MCPH1: variants seen among roughly 807,000 people sequenced by gnomAD.
MCPH1 encodes microcephalin.
A neutral mutation model predicts 84.5 loss-of-function variants in MCPH1; 104 were observed. The ratio of observed to expected loss-of-function variants is 1.23; its 90% CI spans 1.05 to 1.45. MCPH1 has a LOEUF of 1.45. Ranked by LOEUF, MCPH1 falls within the 40% of genes most tolerant of loss-of-function variation. The pLI is 0.00. For missense variants in MCPH1, 1,498 were observed against 1,005.7 expected (o/e 1.49, Z -6.62); for synonymous variants, 514 against 366.8 (o/e 1.40, Z -4.58).
chr8:6,539,746 C>G (rs962891682), intron 12 of MCPH1, among the ~76,000 whole-genome samples: 8 of 152,250 alleles, frequency 5.3e-5, no homozygotes, highest in Non-Finnish European at 7.3e-5. Context: ...ACCACCATGC[C>G]TGGGAAATTT....
At chr8:6,596,624 G>T (rs1452496226) in intron 12 of MCPH1, among the ~76,000 whole-genome samples, 1 of 151,984 alleles carries the variant, frequency 6.6e-6, no homozygotes, top group Non-Finnish European at 1.5e-5. Flanking sequence ...CATGATGAGG[G>T]GTGCACAGAG....
At position 6,621,687 on chromosome 8, in the gene MCPH1, C is replaced by T; in HGVS notation, c.2448C>T (p.Val816=). The T allele has an allele frequency of 1.9e-6, 3 of 1,614,132 alleles. No individual in the cohort carries two copies. The highest frequency in any genetic ancestry group is 1.1e-5 in the South Asian group (1 of 91,024). ...ATVKYLSEKW[V]LDSITQHKVC... ...TCAAGTATCTGTCTGAGAAATGGGT[C>T]TTAGGTAAGAATCCAGGCACACAGA... The change falls in exon 13 of 14, where the codon GTC becomes GTT. Residue 816 remains valine, a synonymous_variant. Transcript: ENST00000344683.
intron 9 of MCPH1, among the ~76,000 whole-genome samples, chr8:6,467,641 G>A (rs2129558166): frequency 6.6e-6 from 1 of 152,242 alleles, no homozygotes; most frequent in Admixed American, 6.5e-5. Flanking sequence ...TGTTGCCCAG[G>A]CTGGAGTGCC....
At chr8:6,542,169 C>T (rs543082327) in intron 12 of MCPH1, among the ~76,000 whole-genome samples, 1 of 152,130 alleles carries the variant, frequency 6.6e-6, no homozygotes, top group Non-Finnish European at 1.5e-5. Flanking sequence ...TTAAGGCACA[C>T]TGAAAGAAAA....
At chr8:6,521,421 A>G (rs1817311206) in intron 12 of MCPH1, 8 of 1,586,872 alleles carry the variant, frequency 5.0e-6, no homozygotes, top group African/African-American at 2.7e-5. Flanking sequence ...CTTGTAAGGA[A>G]AAGAATTGTT....
intron 12 of MCPH1, among the ~76,000 whole-genome samples, chr8:6,536,319 A>AGGT (rs1820490697): frequency 6.6e-6 from 1 of 152,162 alleles, no homozygotes; most frequent in Non-Finnish European, 1.5e-5. Flanking sequence ...ACATCAGCAC[A>AGGT]GGTGGATGCA....
chr8:6,413,913 C>T (rs758919237), intron 2 of MCPH1, among the ~76,000 whole-genome samples: 1 of 152,108 alleles, frequency 6.6e-6, no homozygotes, highest in Non-Finnish European at 1.5e-5. Flanking sequence ...AACCTCCACG[C>T]TTGGCTAATT....
At position 6,592,820 on chromosome 8, in the gene MCPH1, A is replaced by ATTT. The variant is rs67091563; in HGVS notation, c.2215-28618_2215-28616dup. Among the ~76,000 whole-genome samples the ATTT allele has an allele frequency of 4.5e-4, 61 of 134,296 alleles. 1 individual carries two copies. Among genetic ancestry groups the ATTT allele is most frequent in the African/African-American group, 1.5e-3 (54 of 35,664 alleles). The allele number at this position is 134,296 out of a possible 152,430, so 88.1% of individuals were successfully genotyped here. ...CAAGCACGTGCCACCACACCTGGCA[A>ATTT]TTTTTTTTTTTTTTTTTTGTATTTT... On this transcript the variant is annotated intron_variant, in intron 12 of 13. Coordinates refer to ENST00000344683, the MANE Select transcript of MCPH1 (RefSeq NM_024596.5).
intron 12 of MCPH1, chr8:6,521,479 C>G: frequency 1.8e-6 from 2 of 1,124,148 alleles, no homozygotes; most frequent in Non-Finnish European, 2.5e-6. Context: ...TATTGAATTT[C>G]TACTTCTCCA....
At chr8:6,468,573 T>C (rs1045899969) in intron 9 of MCPH1, among the ~76,000 whole-genome samples, 2 of 152,066 alleles carry the variant, frequency 1.3e-5, no homozygotes, top group African/African-American at 4.8e-5. Flanking sequence ...ATCTTTTTAA[T>C]TGAGGTGGTG....
At chr8:6,476,982 A>G (rs905708991) in intron 9 of MCPH1, among the ~76,000 whole-genome samples, 2 of 152,282 alleles carry the variant, frequency 1.3e-5, no homozygotes, top group South Asian at 2.1e-4. Flanking sequence ...TTCTGATTAT[A>G]TATTTCTATA....
chr8:6,576,146 C>G (rs1455752160), intron 12 of MCPH1, among the ~76,000 whole-genome samples: 1 of 151,698 alleles, frequency 6.6e-6, no homozygotes, highest in African/African-American at 2.4e-5. Context: ...TCTTCTCCTT[C>G]TTGTTCAACC....
At chr8:6,412,653 T>C (rs886249169) in intron 2 of MCPH1, among the ~76,000 whole-genome samples, 1 of 152,196 alleles carries the variant, frequency 6.6e-6, no homozygotes, top group African/African-American at 2.4e-5. Flanking sequence ...TTGAGGCTTC[T>C]CAATTTTCGT....
At chr8:6,477,467 C>T (rs933668747) in intron 9 of MCPH1, 127 bp from the exon 10 acceptor site, 4 of 797,072 alleles carry the variant, frequency 5.0e-6, no homozygotes, top group South Asian at 4.8e-5. Context: ...TTTTCTTTGA[C>T]ATATGCTTAA....
chr8:6,646,145 C>T lies in MCPH1; in HGVS notation c.*3096C>T, dbSNP rs993489598. On this transcript the variant is annotated 3_prime_UTR_variant, in exon 14 of 14. Transcript: ENST00000344683. Reference sequence around the variant, plus strand: ...AACTACAATAATTACAAAGTATCAGCCAGGTGCCGTGGCTCACATCTGTAA... The same window carrying T: ...AACTACAATAATTACAAAGTATCAGTCAGGTGCCGTGGCTCACATCTGTAA... 1 of 152,216 alleles carries T rather than the reference C, an allele frequency of 6.6e-6. No individual in the cohort carries two copies. The highest frequency in any genetic ancestry group is 1.5e-5 in the Non-Finnish European group (1 of 68,048). The allele number at this position is 152,216 out of a possible 1,614,324, so 9.4% of individuals were successfully genotyped here. A position where few individuals can be genotyped will look rare whatever the true frequency, so the allele number is the denominator to read the frequency against.
At chr8:6,484,710 A>G (rs1172327720) in intron 11 of MCPH1, among the ~76,000 whole-genome samples, 1 of 152,262 alleles carries the variant, frequency 6.6e-6, no homozygotes, top group Non-Finnish European at 1.5e-5. Context: ...GGTGATAGGT[A>G]CAGCAGCTTG....
chr8:6,587,541 A>T (rs1176309103), intron 12 of MCPH1, among the ~76,000 whole-genome samples: 3 of 152,198 alleles, frequency 2.0e-5, no homozygotes, highest in Non-Finnish European at 1.5e-5. Flanking sequence ...AATTCTTTCC[A>T]GTTTTCACTG....
At chr8:6,554,302 AAG>A (rs1266613942) in intron 12 of MCPH1, among the ~76,000 whole-genome samples, 1 of 145,368 alleles carries the variant, frequency 6.9e-6, no homozygotes, top group Non-Finnish European at 1.5e-5. Context: ...GGATTTTAAA[AAG>A]AGAGAAAAAA....
intron 3 of MCPH1, among the ~76,000 whole-genome samples, chr8:6,427,393 A>C (rs1239190101): frequency 6.6e-6 from 1 of 152,132 alleles, no homozygotes; most frequent in Non-Finnish European, 1.5e-5. Context: ...TTTTTTAAAG[A>C]CAAGGTCTTG....
Sources: allele counts gnomAD v4.1 joint callset (sites outside exome capture counted in the v4.1 genomes callset), GRCh38; gene constraint gnomAD v4.1.1; transcripts MANE v1.5; gene names NCBI Gene and HGNC (gene_info 2026-07-23, HGNC 2026-07-21).